The following KDM6A variants were observed in gnomAD, a reference collection of about 807,000 sequenced individuals.
KDM6A encodes lysine-specific demethylase 6A.
A neutral mutation model predicts 117.6 loss-of-function variants in KDM6A; 11 were observed. That is an observed-to-expected ratio of 0.09 (90% confidence interval 0.06 to 0.15). KDM6A has a LOEUF of 0.15. KDM6A is among the 10% of genes least tolerant of loss of function. The probability of loss-of-function intolerance (pLI) is 1.00; values close to 1 mark genes in which losing one functional copy is unlikely to be tolerated. For missense variants in KDM6A, 799 were observed against 1,077.3 expected (o/e 0.74, Z 3.62); for synonymous variants, 384 against 396.1 (o/e 0.97, Z 0.36).
chrX:45,039,946 AT>A (rs1207081152), intron 8 of KDM6A, among the ~76,000 whole-genome samples: 1 of 59,640 alleles, frequency 1.7e-5, no homozygotes, highest in Non-Finnish European at 3.1e-5. Context: ...TGATTTCTCA[AT>A]TTTTTCCCCA....
In KDM6A at chrX:44,978,154, C is replaced by T. The variant is rs908549194; in HGVS notation, c.384+3439C>T. On this transcript the variant is annotated intron_variant, in intron 4 of 29. Transcript: ENST00000611820. The stretch of plus-strand genomic sequence containing the variant: ...ATTCCCAGGTGTTAGAGAAATTCAC[C>T]CACATTTTCTTTCAGTACTTGAATG... 2.5e-4 allele frequency among the ~76,000 whole-genome samples: 28 copies of T among 111,899 alleles called. 1 individual carries two copies. The highest frequency in any genetic ancestry group is 9.1e-4 in the African/African-American group (28 of 30,823).
At chrX:45,020,354 G>A (rs113015869) in intron 5 of KDM6A, among the ~76,000 whole-genome samples, 86 of 111,252 alleles carry the variant, frequency 7.7e-4, no homozygotes, top group African/African-American at 2.6e-3. Context: ...AATACTGTCT[G>A]TTTGAATAAT....
chrX:44,947,990 T>A (rs1419838750), intron 2 of KDM6A, among the ~76,000 whole-genome samples: 2 of 111,293 alleles, frequency 1.8e-5, no homozygotes, highest in Admixed American at 9.6e-5. Flanking sequence ...TAGTTCTGGT[T>A]CCCCTGACCG....
intron 2 of KDM6A, among the ~76,000 whole-genome samples, chrX:44,940,381 T>G (rs1416557779): frequency 9.0e-6 from 1 of 111,630 alleles, no homozygotes; most frequent in African/African-American, 3.3e-5. Context: ...TTATACATTA[T>G]CAAAAAGTTA....
intron 2 of KDM6A, among the ~76,000 whole-genome samples, chrX:44,915,280 A>G (rs919380127): frequency 1.2e-4 from 14 of 112,031 alleles, no homozygotes; most frequent in African/African-American, 4.2e-4. Context: ...TTAGTTTTGG[A>G]AAATGTAGGT....
At chrX:45,051,595 C>T (rs1416858253) in intron 8 of KDM6A, 114 bp from the exon 9 acceptor site, 9 of 461,795 alleles carry the variant, frequency 1.9e-5, no homozygotes, top group Admixed American at 1.2e-4. Flanking sequence ...GCACTTTTTT[C>T]TTTTAGTTTT....
Position 44,873,295 on chromosome X carries a change from G to A in KDM6A, c.-257G>A. On this transcript the variant is annotated 5_prime_UTR_variant, in exon 1 of 30. Coordinates refer to ENST00000611820, the MANE Select transcript of KDM6A (RefSeq NM_001291415.2). The stretch of plus-strand genomic sequence containing the variant: ...GTTCCCGCCGTCCCCGCCTGTGGCT[G>A]CCCCCTGCCCAACCCCGCGATGTGA... 5.6e-6 allele frequency: 2 copies of A among 357,325 alleles called. No homozygotes were observed. The highest frequency in any genetic ancestry group is 9.6e-6 in the Non-Finnish European group (2 of 207,885). 29.4% of individuals were successfully genotyped at this position (357,325 alleles called of 1,213,427 possible). A position where few individuals can be genotyped will look rare whatever the true frequency, so the allele number is the denominator to read the frequency against.
intron 4 of KDM6A, among the ~76,000 whole-genome samples, 168 bp downstream of exon 4, chrX:44,974,883 T>G (rs997758043): frequency 5.4e-5 from 6 of 111,966 alleles, no homozygotes; most frequent in African/African-American, 1.9e-4. Context: ...TTGTGCTGTC[T>G]TGTATGACTC....
intron 8 of KDM6A, among the ~76,000 whole-genome samples, chrX:45,048,052 C>G (rs1263855372): frequency 1.9e-5 from 2 of 102,729 alleles, no homozygotes; most frequent in Non-Finnish European, 2.0e-5. Context: ...CCTAGCTGTT[C>G]GGGAGACTGA....
At chrX:44,921,580 T>G (rs1291026645) in intron 2 of KDM6A, among the ~76,000 whole-genome samples, 1 of 111,597 alleles carries the variant, frequency 9.0e-6, no homozygotes, top group Non-Finnish European at 1.9e-5. Flanking sequence ...TCATGTAGCA[T>G]GTATTTTCTG....
intron 4 of KDM6A, among the ~76,000 whole-genome samples, chrX:44,977,471 C>G (rs187170548): frequency 1.5e-3 from 165 of 111,016 alleles, no homozygotes; most frequent in Non-Finnish European, 2.4e-3. Context: ...ATTACTCAGG[C>G]TGGTCTCAAA....
chrX:44,979,723 T>C (rs1366742957), intron 4 of KDM6A, among the ~76,000 whole-genome samples: 1 of 111,147 alleles, frequency 9.0e-6, no homozygotes, highest in African/African-American at 3.3e-5. Flanking sequence ...TCAAGTTGTT[T>C]ATGATGTGAG....
intron 29 of KDM6A, among the ~76,000 whole-genome samples, chrX:45,110,760 A>G (rs2046737964): frequency 8.9e-6 from 1 of 112,093 alleles, no homozygotes; most frequent in Non-Finnish European, 1.9e-5. Context: ...AAGTATACTT[A>G]TAAATTGCAC....
chrX:45,090,147 TA>T (rs1233812649), intron 26 of KDM6A, among the ~76,000 whole-genome samples: 1 of 112,102 alleles, frequency 8.9e-6, no homozygotes, highest in African/African-American at 3.2e-5. Flanking sequence ...GGCTTTAATA[TA>T]CATGAAGGTT....
At chrX:44,965,305 A>ACC (rs1335353493) in intron 3 of KDM6A, among the ~76,000 whole-genome samples, 1 of 112,104 alleles carries the variant, frequency 8.9e-6, no homozygotes, top group Non-Finnish European at 1.9e-5. Flanking sequence ...TCACTGGAAT[A>ACC]GCACTTCAAA....
chrX:44,925,610 T>C (rs2036254827), intron 2 of KDM6A, among the ~76,000 whole-genome samples: 1 of 112,023 alleles, frequency 8.9e-6, no homozygotes, highest in African/African-American at 3.2e-5. Context: ...ATGTCCTATT[T>C]GCTTAAATTT....
chrX:45,078,555 CT>C (rs2045242106), intron 20 of KDM6A, 50 bp downstream of exon 20: 1 of 1,035,469 alleles, frequency 9.7e-7, no homozygotes, highest in Non-Finnish European at 1.3e-6. Context: ...GTTTTGCTAT[CT>C]TTTAACTTTT....
intron 2 of KDM6A, among the ~76,000 whole-genome samples, chrX:44,960,101 T>C (rs1254444519): frequency 8.9e-6 from 1 of 111,791 alleles, no homozygotes; most frequent in Non-Finnish European, 1.9e-5. Flanking sequence ...AATGAAGGCA[T>C]TCGAAGTGAG....
At chrX:45,054,428 TCA>T (rs994720861) in intron 10 of KDM6A, among the ~76,000 whole-genome samples, 5 of 111,998 alleles carry the variant, frequency 4.5e-5, no homozygotes, top group African/African-American at 6.5e-5. Flanking sequence ...AAATCTCAAA[TCA>T]CAGTTATACT....
Sources: gnomAD v4.1 joint callset for allele counts (sites outside exome capture counted in the v4.1 genomes callset) on GRCh38, gnomAD v4.1.1 for gene constraint, MANE v1.5 for transcripts, NCBI Gene and HGNC (gene_info 2026-07-23, HGNC 2026-07-21) for gene names.